Variants in KCNB2 observed in about 807,000 individuals in gnomAD.
KCNB2 encodes the protein delayed rectifier potassium channel protein.
Under a neutral mutation model 61.5 loss-of-function variants are expected in KCNB2, and 15 were observed. The observed-to-expected ratio is 0.24, with a 90% CI of 0.16 to 0.38. The LOEUF (loss-of-function observed/expected upper bound fraction) is 0.38, where lower values mean the gene tolerates loss of function less well. KCNB2 is among the 10% of genes least tolerant of loss of function. KCNB2 has a pLI of 1.00. For missense variants in KCNB2, 828 were observed against 1,125.2 expected (o/e 0.74, Z 3.78); for synonymous variants, 457 against 446.0 (o/e 1.02, Z -0.31).
chr8:72,602,626 A>G (rs989022980), intron 2 of KCNB2, among the ~76,000 whole-genome samples: 3 of 152,284 alleles, frequency 2.0e-5, no homozygotes, highest in East Asian at 3.9e-4. Flanking sequence ...GGCTTCAGCA[A>G]TAGCCATTTT....
intron 2 of KCNB2, among the ~76,000 whole-genome samples, chr8:72,616,838 T>C (rs377058799): frequency 6.6e-6 from 1 of 152,330 alleles, no homozygotes; most frequent in African/African-American, 2.4e-5. Context: ...GAGGAGTTAA[T>C]ATAATAGGCA....
chr8:72,719,487 T>C (rs1278038975), intron 2 of KCNB2, among the ~76,000 whole-genome samples: 2 of 152,194 alleles, frequency 1.3e-5, no homozygotes, highest in Admixed American at 1.3e-4. Flanking sequence ...TATTGCTAAA[T>C]AGATTTCTTT....
At chr8:72,868,511 G>C (rs969855249) in intron 2 of KCNB2, among the ~76,000 whole-genome samples, 1 of 151,858 alleles carries the variant, frequency 6.6e-6, no homozygotes, top group Non-Finnish European at 1.5e-5. Flanking sequence ...CAGGGAAGTA[G>C]AGGTTGCAGT....
chr8:72,592,278 A>T (rs1442434965), intron 2 of KCNB2, among the ~76,000 whole-genome samples: 1 of 151,934 alleles, frequency 6.6e-6, no homozygotes, highest in Non-Finnish European at 1.5e-5. Context: ...AGTTAAATAT[A>T]GTAGAGTAAG....
chr8:72,805,922 A>T (rs1273217859), intron 2 of KCNB2, among the ~76,000 whole-genome samples: 2 of 152,216 alleles, frequency 1.3e-5, no homozygotes, highest in East Asian at 1.9e-4. Flanking sequence ...ATTGGGCTGG[A>T]TGAGGAAAAG....
Position 72,537,370 on chromosome 8 carries a change from GCCCTCCGC to G in KCNB2, c.-605_-598del, listed in dbSNP as rs1231840856. ...AAGCACCCACCGCCCTCCGCCCTCC[GCCCTCCGC>G]CCCCGCGGCCGCCGCCGCCGCTGCG... On this transcript the variant is annotated 5_prime_UTR_variant, in exon 1 of 3. Transcript: ENST00000523207. 1 of 147,612 alleles carries G rather than the reference GCCCTCCGC, an allele frequency of 6.8e-6. No homozygotes were observed. The highest frequency in any genetic ancestry group is 2.4e-5 in the African/African-American group (1 of 41,164). The allele number at this position is 147,612 out of a possible 1,614,324, so 9.1% of individuals were successfully genotyped here.
At chr8:72,630,336 A>G (rs2128984901) in intron 2 of KCNB2, among the ~76,000 whole-genome samples, 1 of 152,298 alleles carries the variant, frequency 6.6e-6, no homozygotes, top group South Asian at 2.1e-4. Flanking sequence ...ATACAGATGG[A>G]TAGATGTGAC....
At chr8:72,722,668 C>T (rs893445641) in intron 2 of KCNB2, among the ~76,000 whole-genome samples, 4 of 152,180 alleles carry the variant, frequency 2.6e-5, no homozygotes, top group African/African-American at 9.7e-5. Flanking sequence ...AATAAATGGA[C>T]AAAATGGTTC....
In KCNB2 at chr8:72,805,596, T is replaced by C. The variant is rs544086746; in HGVS notation, c.580-130339T>C. On this transcript the variant is annotated intron_variant, in intron 2 of 2. Transcript: ENST00000523207. The stretch of plus-strand genomic sequence containing the variant: ...AGCAATATAGAGTTATCACAGTCTA[T>C]TGACCCAAAGATGTTTAAAATTAGC... 4.5e-4 allele frequency among the ~76,000 whole-genome samples: 68 copies of C among 152,314 alleles called. 1 individual carries two copies. The highest frequency in any genetic ancestry group is 8.5e-4 in the Non-Finnish European group (58 of 68,026).
intron 1 of KCNB2, among the ~76,000 whole-genome samples, chr8:72,558,738 G>A (rs930629929): frequency 2.0e-5 from 3 of 152,154 alleles, no homozygotes; most frequent in Non-Finnish European, 4.4e-5. Context: ...TAGTGAAGAA[G>A]ATGGATATTT....
intron 2 of KCNB2, chr8:72,751,898 GC>G (rs539923398): frequency 2.2e-4 from 34 of 152,480 alleles, no homozygotes; most frequent in Admixed American, 1.1e-3. Flanking sequence ...GCTAATGGAG[GC>G]CAGGAGGGAA....
At position 72,793,883 on chromosome 8, in the gene KCNB2, A is replaced by G. The variant is rs571366514; in HGVS notation, c.580-142052A>G. ...TTGCCTTGAGCTTAGTCATTTATTC[A>G]TCAGAGAGTTTCAACATTTGATTTC... On this transcript the variant is annotated intron_variant, in intron 2 of 2. Transcript: ENST00000523207. Among the ~76,000 whole-genome samples, 4 of 152,370 alleles carry G rather than the reference A, an allele frequency of 2.6e-5. No homozygotes were observed. The South Asian group carries it at 6.2e-4, about 24-fold the overall frequency.
At chr8:72,676,817 C>G (rs1042738673) in intron 2 of KCNB2, among the ~76,000 whole-genome samples, 3 of 152,058 alleles carry the variant, frequency 2.0e-5, no homozygotes, top group African/African-American at 7.2e-5. Flanking sequence ...GATCCCACTA[C>G]CACCGCTAAC....
chr8:72,636,278 T>C lies in KCNB2; in HGVS notation c.579+67965T>C, dbSNP rs762059030. Among the ~76,000 whole-genome samples, 121 of 152,254 alleles carry C rather than the reference T, an allele frequency of 7.9e-4. 6 individuals are homozygous for C. Among genetic ancestry groups the C allele is most frequent in the Non-Finnish European group, 2.2e-4 (15 of 68,002 alleles). On this transcript the variant is annotated intron_variant, in intron 2 of 2. Transcript: ENST00000523207. The stretch of plus-strand genomic sequence containing the variant: ...TGTGAAAGAGTCCAGCAATAAATCG[T>C]CGCTCAGGGACAGATGGTTGAAGTC...
intron 2 of KCNB2, among the ~76,000 whole-genome samples, chr8:72,612,465 A>T (rs1805556399): frequency 6.6e-6 from 1 of 152,234 alleles, no homozygotes; most frequent in African/African-American, 2.4e-5. Context: ...GTTCTTTGTC[A>T]TTCATACTGA....
intron 2 of KCNB2, among the ~76,000 whole-genome samples, chr8:72,763,563 A>G (rs1808418999): frequency 6.6e-6 from 1 of 152,152 alleles, no homozygotes; most frequent in South Asian, 2.1e-4. Context: ...CCAAGGAGAG[A>G]GGCACCATTT....
intron 2 of KCNB2, among the ~76,000 whole-genome samples, chr8:72,685,869 A>C (rs1020766974): frequency 1.3e-5 from 2 of 152,182 alleles, no homozygotes; most frequent in African/African-American, 4.8e-5. Context: ...CATGCCTGTA[A>C]TTCCAGCTAC....
chr8:72,840,261 T>G (rs1809857582), intron 2 of KCNB2, among the ~76,000 whole-genome samples: 2 of 152,224 alleles, frequency 1.3e-5, no homozygotes, highest in Non-Finnish European at 2.9e-5. Context: ...TGTGGTTGCA[T>G]AGTATTCCAT....
At chr8:72,727,805 T>C (rs1249679387) in intron 2 of KCNB2, among the ~76,000 whole-genome samples, 1 of 152,184 alleles carries the variant, frequency 6.6e-6, no homozygotes, top group East Asian at 1.9e-4. Flanking sequence ...TGAAGATCCT[T>C]TATATAAGAA....
Sources: gnomAD v4.1 joint callset for allele counts (sites outside exome capture counted in the v4.1 genomes callset) on GRCh38, gnomAD v4.1.1 for gene constraint, MANE v1.5 for transcripts, NCBI Gene and HGNC (gene_info 2026-07-23, HGNC 2026-07-21) for gene names.